Variants in CDS1 observed in about 807,000 individuals in gnomAD.
The protein encoded by CDS1 is phosphatidate cytidylyltransferase 1.
A neutral mutation model predicts 62.1 loss-of-function variants in CDS1; 41 were observed. The ratio of observed to expected loss-of-function variants is 0.66; its 90% CI spans 0.51 to 0.86. The LOEUF (loss-of-function observed/expected upper bound fraction) is 0.86. Among genes scored for constraint, CDS1 ranks in the 40% least tolerant of loss-of-function variants. The probability of loss-of-function intolerance (pLI) is 0.00; values close to 1 mark genes in which losing one functional copy is unlikely to be tolerated. For missense variants in CDS1, 470 were observed against 550.1 expected, an observed-to-expected ratio of 0.85 and a Z score of 1.46; for synonymous variants, 185 against 192.6, an observed-to-expected ratio of 0.96 and a Z score of 0.32.
Position 84,609,197 on chromosome 4 carries a change from A to AG in CDS1, c.246-232_246-231insG, listed in dbSNP as rs537395391. On this transcript the variant is annotated intron_variant, in intron 2 of 12. Transcript: ENST00000295887. ...CTCCGTCTCAAAAAAAAAAAAAAAA[A>AG]AAAAGAAAAGAAAAATTATTTTCTT... is the stretch of plus-strand genomic sequence containing the variant. Among the ~76,000 whole-genome samples the AG allele has an allele frequency of 7.9e-4, 116 of 145,960 alleles. 1 individual carries two copies. The highest frequency in any genetic ancestry group is 5.6e-3 in the East Asian group (27 of 4,820).
intron 1 of CDS1, among the ~76,000 whole-genome samples, chr4:84,585,736 G>T (rs2110029357): frequency 6.6e-6 from 1 of 152,306 alleles, no homozygotes; most frequent in Non-Finnish European, 1.5e-5. Context: ...CTTATGCTGA[G>T]AGAAGGCTCT....
chr4:84,643,244 C>A (rs376052171), intron 11 of CDS1, 101 bp downstream of exon 11: 1 of 1,101,282 alleles, frequency 9.1e-7, no homozygotes, highest in Non-Finnish European at 1.3e-6. Flanking sequence ...AGCCCCTAGG[C>A]CACAACTTTT....
At chr4:84,612,666 T>C (rs368227346) in intron 3 of CDS1, among the ~76,000 whole-genome samples, 1 of 152,084 alleles carries the variant, frequency 6.6e-6, no homozygotes, top group East Asian at 1.9e-4. Context: ...TTGCTTCAAT[T>C]GGTGAGTTTA....
chr4:84,611,541 A>G (rs1284281012), intron 3 of CDS1, among the ~76,000 whole-genome samples: 1 of 152,180 alleles, frequency 6.6e-6, no homozygotes, highest in African/African-American at 2.4e-5. Context: ...GAAATTAGAC[A>G]TGATGAAAAA....
At chr4:84,596,888 G>C (rs1722767701) in intron 1 of CDS1, among the ~76,000 whole-genome samples, 5 of 152,280 alleles carry the variant, frequency 3.3e-5, no homozygotes, top group African/African-American at 1.2e-4. Context: ...ACAATATTGA[G>C]AGGCTAAGAC....
intron 1 of CDS1, among the ~76,000 whole-genome samples, chr4:84,586,546 G>C (rs1294932080): frequency 1.3e-5 from 2 of 152,140 alleles, no homozygotes; most frequent in Non-Finnish European, 2.9e-5. Flanking sequence ...GCAGCGCTCG[G>C]TGGTAATGCG....
At position 84,643,046 on chromosome 4, in the gene CDS1, T is replaced by C. The variant is rs757884134; in HGVS notation, c.1055T>C (p.Phe352Ser). The change falls in exon 11 of 13, where the codon TTC (phenylalanine) becomes TCC (serine). Residue 352 changes from phenylalanine to serine, a missense_variant. By Grantham distance (155) the Phe-to-Ser change is radical. This residue lies in a region of CDS1 where 214 missense variants were observed against 242.4 expected (regional missense o/e 0.88). Coordinates refer to ENST00000295887, the MANE Select transcript of CDS1 (RefSeq NM_001263.4). ...LRQERVSLYP[F>S]QIHSIALSTF... ...TAGGAAAGAGTGAGCTTGTACCCTT[T>C]CCAGATCCACAGCATTGCACTGTCA... 8 of 1,610,154 alleles carry C rather than the reference T, an allele frequency of 5.0e-6. No homozygotes were observed. The highest frequency in any genetic ancestry group is 1.3e-5 in the African/African-American group (1 of 74,864).
Position 84,651,280 on chromosome 4 carries a change from T to C in CDS1, c.*2594T>C, listed in dbSNP as rs1303720296. 1 of 152,202 alleles carries C rather than the reference T, an allele frequency of 6.6e-6. No homozygotes were observed. The highest frequency in any genetic ancestry group is 1.9e-4 in the East Asian group (1 of 5,204). The allele number at this position is 152,202 out of a possible 1,614,324, so 9.4% of individuals were successfully genotyped here. ...TAGCTTATGATGTGTGTCAATCAGT[T>C]CTCTGAATCTTTTACTGAAACTGAG... is the stretch of plus-strand genomic sequence containing the variant. On this transcript the variant is annotated 3_prime_UTR_variant, in exon 13 of 13. Coordinates refer to ENST00000295887, the MANE Select transcript of CDS1 (RefSeq NM_001263.4).
At chr4:84,642,926 G>T in intron 10 of CDS1, 98 bp from the exon 11 acceptor site, 1 of 1,208,692 alleles carries the variant, frequency 8.3e-7, no homozygotes, top group South Asian at 1.7e-5. Flanking sequence ...TGCGTGCTTT[G>T]ACTTACTATT....
chr4:84,589,988 T>G (rs1052153989), intron 1 of CDS1, among the ~76,000 whole-genome samples: 5 of 152,154 alleles, frequency 3.3e-5, no homozygotes, highest in African/African-American at 1.2e-4. Context: ...TTTTTTTGTA[T>G]TTTTAGTAGA....
At chr4:84,584,650 A>C (rs1166555019) in intron 1 of CDS1, among the ~76,000 whole-genome samples, 1 of 152,242 alleles carries the variant, frequency 6.6e-6, no homozygotes, top group Non-Finnish European at 1.5e-5. Flanking sequence ...CAAATTACAA[A>C]GCCCTAATAG....
intron 1 of CDS1, 130 bp downstream of exon 1, chr4:84,583,648 C>T: frequency 1.8e-6 from 1 of 567,512 alleles, no homozygotes; most frequent in Non-Finnish European, 3.1e-6. Context: ...ACCTTCCTCC[C>T]TGCCTGGCAC....
At chr4:84,630,020 G>T (rs994345845) in intron 5 of CDS1, among the ~76,000 whole-genome samples, 1 of 152,128 alleles carries the variant, frequency 6.6e-6, no homozygotes, top group African/African-American at 2.4e-5. Flanking sequence ...TTTCTGTCTT[G>T]TGTCTCTGCT....
chr4:84,605,648 GA>G (rs1202048534), intron 2 of CDS1, among the ~76,000 whole-genome samples: 4 of 152,064 alleles, frequency 2.6e-5, no homozygotes, highest in African/African-American at 9.7e-5. Context: ...TCTCAGACCT[GA>G]AATTTTGTGT....
intron 3 of CDS1, among the ~76,000 whole-genome samples, chr4:84,610,112 A>G (rs1330593498): frequency 2.0e-5 from 3 of 152,242 alleles, no homozygotes; most frequent in Non-Finnish European, 1.5e-5. Flanking sequence ...GGAAAAACAT[A>G]CAAGTAACCA....
At position 84,640,553 on chromosome 4, in the gene CDS1, A is replaced by G. The variant is rs192476029; in HGVS notation, c.880-285A>G. On this transcript the variant is annotated intron_variant, in intron 9 of 12. Coordinates refer to ENST00000295887, the MANE Select transcript of CDS1 (RefSeq NM_001263.4). ...ATTAATAGAAGCTTGTGTGCAGTATACTTCAGTTCTTTATTCTCCTGTACC... is the reference window on the plus strand; with the variant it reads ...ATTAATAGAAGCTTGTGTGCAGTATGCTTCAGTTCTTTATTCTCCTGTACC... Among the ~76,000 whole-genome samples the G allele has an allele frequency of 4.3e-3, 661 of 152,268 alleles. 19 individuals are homozygous for G. The highest frequency in any genetic ancestry group is 0.04 in the Admixed American group (614 of 15,272).
At position 84,631,833 on chromosome 4, in the gene CDS1, G is replaced by T. The variant is rs758747596; in HGVS notation, c.595G>T (p.Val199Leu). Reference sequence around the variant, plus strand: ...TTCTTGAACAGGTTTCTGCATGTTTGTACTGAGTTTGGTGAAGAAACATTA... The same window carrying T: ...TTCTTGAACAGGTTTCTGCATGTTTTTACTGAGTTTGGTGAAGAAACATTA... ...ALYLAGFCMF[V>L]LSLVKKHYRL... Residue 199 changes from valine (V) to leucine (L), a missense_variant, in exon 6 of 13, where the codon GTA becomes TTA. Physicochemically the swap from Val to Leu is conservative, Grantham distance 32. Coordinates refer to ENST00000295887, the MANE Select transcript of CDS1 (RefSeq NM_001263.4). 1 of 1,612,504 alleles carries T rather than the reference G, an allele frequency of 6.2e-7. No individual in the cohort carries two copies. Among genetic ancestry groups the T allele is most frequent in the East Asian group, 2.2e-5 (1 of 44,772 alleles).
chr4:84,648,517 A>G (rs1288049411), intron 12 of CDS1, 40 bp from the exon 13 acceptor site: 2 of 1,601,512 alleles, frequency 1.2e-6, no homozygotes, highest in South Asian at 1.1e-5. Flanking sequence ...TATCCCTATT[A>G]AAATAACACG....
rs370252029 is a variant in CDS1 at position 84,644,728 on chromosome 4, T to G, written c.1153-494T>G. On this transcript the variant is annotated intron_variant, in intron 11 of 12. Transcript: ENST00000295887. ...CCCATATGGGCTCACTGTAATTTTA[T>G]TTTTTACTCTAACACTTAAAAAAAG... 9.2e-5 allele frequency among the ~76,000 whole-genome samples: 14 copies of G among 152,268 alleles called. No homozygotes were observed. The East Asian group carries it at 2.5e-3, about 27-fold the overall frequency.
Sources: allele counts gnomAD v4.1 joint callset (sites outside exome capture counted in the v4.1 genomes callset), GRCh38; gene constraint gnomAD v4.1.1; regional missense constraint gnomAD v4.1.1; transcripts MANE v1.5; gene names NCBI Gene and HGNC (gene_info 2026-07-23, HGNC 2026-07-21).